QRICH1: variants seen among roughly 807,000 people sequenced by gnomAD.
QRICH1 encodes the protein transcriptional regulator QRICH1.
Under a neutral mutation model 87.1 loss-of-function variants are expected in QRICH1, and 16 were observed. The ratio of observed to expected loss-of-function variants is 0.18; its 90% confidence interval spans 0.12 to 0.28. QRICH1 has a LOEUF of 0.28. Ranked by LOEUF, QRICH1 falls within the 10% of genes least tolerant of loss-of-function variation. The pLI is 1.00. For missense variants in QRICH1, 647 were observed against 951.7 expected, an observed-to-expected ratio of 0.68 and a Z score of 4.21; for synonymous variants, 367 against 368.4, an observed-to-expected ratio of 1.00 and a Z score of 0.05.
At chr3:49,079,454 A>G (rs2042015473) in intron 1 of QRICH1, among the ~76,000 whole-genome samples, 2 of 148,062 alleles carry the variant, frequency 1.4e-5, no homozygotes, top group South Asian at 4.2e-4. Flanking sequence ...ACAATTATGT[A>G]ATATAAATAT....
intron 3 of QRICH1, among the ~76,000 whole-genome samples, chr3:49,049,502 T>A (rs1017345923): frequency 1.3e-5 from 2 of 152,056 alleles, no homozygotes; most frequent in South Asian, 4.2e-4. Context: ...TCCAACTTTT[T>A]AAAATTCTTT....
chr3:49,081,133 T>C (rs1467360327), intron 1 of QRICH1, among the ~76,000 whole-genome samples: 3 of 152,118 alleles, frequency 2.0e-5, no homozygotes, highest in Non-Finnish European at 4.4e-5. Context: ...TTTTAGAGTA[T>C]TGGCCAGGTG....
chr3:49,047,005 TCCTCCTGTTACTTTAGTAC>T lies in QRICH1; in HGVS notation c.1516+45_1516+63del, dbSNP rs1373100943. ...GAGACACCACTTTTCTGGCATTTTG[TCCTCCTGTTACTTTAGTAC>T]CATTGCATTTTAGACACAGCCCACT... is the stretch of plus-strand genomic sequence containing the variant. On this transcript the variant is annotated intron_variant, in intron 4 of 9. Transcript: ENST00000395443. 3 of 1,536,946 alleles carry T rather than the reference TCCTCCTGTTACTTTAGTAC, an allele frequency of 2.0e-6. No individual in the cohort carries two copies. In the African/African-American group the frequency reaches 4.1e-5, roughly 21 times the overall value.
chr3:49,030,410 GT>G lies in QRICH1; in HGVS notation c.*41del. The stretch of plus-strand genomic sequence containing the variant: ...CTTCTTTAGTGTGAAAGTCTGTCTG[GT>G]TTTTCCTGGCTGGTTTCTCTTGTGC... On this transcript the variant is annotated 3_prime_UTR_variant, in exon 10 of 10. Coordinates refer to ENST00000395443, the MANE Select transcript of QRICH1 (RefSeq NM_198880.3). 6.3e-7 allele frequency: 1 copy of G among 1,588,012 alleles called. No individual in the cohort carries two copies. Among genetic ancestry groups the G allele is most frequent in the Non-Finnish European group, 8.6e-7 (1 of 1,163,478 alleles).
In QRICH1 at chr3:49,093,952, ACCCGCCGGC is replaced by A. The variant is rs1014185382; in HGVS notation, c.-71_-63del. The A allele has an allele frequency of 1.7e-5, 7 of 401,046 alleles. No individual in the cohort carries two copies. Among genetic ancestry groups the A allele is most frequent in the Admixed American group, 4.4e-5 (1 of 22,516 alleles). The allele number at this position is 401,046 out of a possible 1,614,324, so 24.8% of individuals were successfully genotyped here. ...CCGCCGCCGCCGCCGCCTCCGCTGC[ACCCGCCGGC>A]CCCGCCGCACCGCCAGGGACCCTGG... On this transcript the variant is annotated 5_prime_UTR_variant, in exon 1 of 10. Coordinates refer to ENST00000395443, the MANE Select transcript of QRICH1 (RefSeq NM_198880.3).
At chr3:49,072,752 C>T (rs2041866569) in intron 2 of QRICH1, among the ~76,000 whole-genome samples, 2 of 151,964 alleles carry the variant, frequency 1.3e-5, no homozygotes, top group South Asian at 4.1e-4. Context: ...TACAGTGAAA[C>T]CTACTTCAGC....
At chr3:49,086,949 G>A (rs1368672826) in intron 1 of QRICH1, 2 of 152,126 alleles carry the variant, frequency 1.3e-5, no homozygotes, top group Non-Finnish European at 2.9e-5. Flanking sequence ...TCATAGCTTA[G>A]TCCAGTTTGA....
In QRICH1 at chr3:49,033,157, A is replaced by G; in HGVS notation, c.1858T>C (p.Ser620Pro). 6.3e-7 allele frequency: 1 copy of G among 1,581,662 alleles called. No individual in the cohort carries two copies. Among genetic ancestry groups the G allele is most frequent in the Non-Finnish European group, 8.6e-7 (1 of 1,165,720 alleles). ...AACATGAGGGTGGTCAGCAAGGTGG[A>G]GGGGGAGTGAGCCCCAAGCTGCTTG... ...ECKQLGAHSP[S>P]TLLTTLMFFN... The change falls in exon 7 of 10, where the codon TCC becomes CCC. Residue 620 changes from serine to proline, a missense_variant. Transcript: ENST00000395443.
chr3:49,071,842 G>A (rs1457594836), intron 2 of QRICH1, among the ~76,000 whole-genome samples: 1 of 152,106 alleles, frequency 6.6e-6, no homozygotes, highest in East Asian at 1.9e-4. Context: ...ACACAAGCAA[G>A]CCACCATACC....
chr3:49,065,905 G>A (rs1362673286), intron 2 of QRICH1, among the ~76,000 whole-genome samples: 1 of 152,096 alleles, frequency 6.6e-6, no homozygotes, highest in African/African-American at 2.4e-5. Flanking sequence ...GGATGGTCTC[G>A]ATCTCCTGAA....
At chr3:49,043,874 G>T (rs2093325133) in intron 6 of QRICH1, among the ~76,000 whole-genome samples, 1 of 151,990 alleles carries the variant, frequency 6.6e-6, no homozygotes, top group Admixed American at 6.6e-5. Context: ...GCACAGTAGC[G>T]CATGCCTATA....
chr3:49,049,011 C>T (rs970667111), intron 3 of QRICH1, among the ~76,000 whole-genome samples: 5 of 151,516 alleles, frequency 3.3e-5, no homozygotes, highest in African/African-American at 1.2e-4. Context: ...AAACGATTCT[C>T]CTTTCTCAGC....
chr3:49,030,379 A>G lies in QRICH1; in HGVS notation c.*73T>C. The G allele has an allele frequency of 7.3e-7, 1 of 1,362,770 alleles. No homozygotes were observed. The allele number at this position is 1,362,770 out of a possible 1,614,324, so 84.4% of individuals were successfully genotyped here. ...ATAAAAAAAAGAAAAAAAAAAATGG[A>G]GGCCTCTTCTTTAGTGTGAAAGTCT... On this transcript the variant is annotated 3_prime_UTR_variant, in exon 10 of 10. Coordinates refer to ENST00000395443, the MANE Select transcript of QRICH1 (RefSeq NM_198880.3).
intron 6 of QRICH1, among the ~76,000 whole-genome samples, chr3:49,038,724 T>A (rs190985989): frequency 9.3e-4 from 142 of 152,324 alleles, no homozygotes; most frequent in East Asian, 2.3e-3. Flanking sequence ...GCCATTTTTT[T>A]AAATTATTTT....
At chr3:49,077,540 T>C (rs2041973509) in intron 1 of QRICH1, among the ~76,000 whole-genome samples, 1 of 152,196 alleles carries the variant, frequency 6.6e-6, no homozygotes, top group South Asian at 2.1e-4. Flanking sequence ...GTTCTTCATC[T>C]CCCATCAGAA....
At chr3:49,032,146 G>T in intron 9 of QRICH1, 37 bp downstream of exon 9, 2 of 1,492,760 alleles carry the variant, frequency 1.3e-6, no homozygotes, top group East Asian at 4.5e-5. Context: ...ACACACACAT[G>T]CGCACACATG....
At chr3:49,056,058 C>T (rs1189597538) in intron 3 of QRICH1, among the ~76,000 whole-genome samples, 2 of 152,126 alleles carry the variant, frequency 1.3e-5, no homozygotes, top group Non-Finnish European at 2.9e-5. Context: ...TCACTGCAAC[C>T]TCTGCCTCCT....
intron 1 of QRICH1, among the ~76,000 whole-genome samples, chr3:49,081,894 GT>G (rs1181823580): frequency 6.6e-6 from 1 of 151,438 alleles, no homozygotes; most frequent in Non-Finnish European, 1.5e-5. Context: ...TGCAACCTCT[GT>G]CTCCCGGGTC....
chr3:49,032,809 G>T (rs1336341016), intron 7 of QRICH1, 36 bp from the exon 8 acceptor site: 2 of 1,583,678 alleles, frequency 1.3e-6, no homozygotes, highest in African/African-American at 1.4e-5. Flanking sequence ...AGAGGGAGGG[G>T]TGCCGGGAGG....
Sources: allele counts gnomAD v4.1 joint callset (sites outside exome capture counted in the v4.1 genomes callset), GRCh38; gene constraint gnomAD v4.1.1; transcripts MANE v1.5; gene names NCBI Gene and HGNC (gene_info 2026-07-23, HGNC 2026-07-21).